The following CDK19 variants were observed in gnomAD, a reference collection of about 807,000 sequenced individuals.
CDK19 encodes the protein cyclin dependent kinase 19, also known as cyclin-dependent kinase 19.
Under a neutral mutation model 68.3 loss-of-function variants are expected in CDK19, and 20 were observed. The ratio of observed to expected loss-of-function variants is 0.29; its 90% CI spans 0.21 to 0.43. The LOEUF is 0.43. CDK19 is among the 20% of genes least tolerant of loss of function. The probability of loss-of-function intolerance (pLI) is 1.00; values close to 1 mark genes in which losing one functional copy is unlikely to be tolerated. For missense variants in CDK19, 339 were observed against 623.5 expected (o/e 0.54, Z 4.86); for synonymous variants, 221 against 222.8 (o/e 0.99, Z 0.07).
intron 4 of CDK19, among the ~76,000 whole-genome samples, chr6:110,644,113 G>A (rs917062862): frequency 4.6e-5 from 7 of 152,016 alleles, no homozygotes; most frequent in Admixed American, 3.9e-4. Flanking sequence ...CCAACATGGT[G>A]AAACCCTGTC....
At chr6:110,701,607 G>A (rs759827346) in intron 2 of CDK19, among the ~76,000 whole-genome samples, 8 of 151,254 alleles carry the variant, frequency 5.3e-5, no homozygotes, top group East Asian at 3.9e-4. Flanking sequence ...CAGAGAATAC[G>A]AACAGACATT....
At chr6:110,774,975 C>T (rs1053006573) in intron 1 of CDK19, among the ~76,000 whole-genome samples, 1 of 151,306 alleles carries the variant, frequency 6.6e-6, no homozygotes, top group Non-Finnish European at 1.5e-5. Context: ...AGGCTGGGTG[C>T]GGTGGCTCAC....
In CDK19 at chr6:110,735,313, C is replaced by CA. The variant is rs778537046; in HGVS notation, c.204+10812dup. ...ACACAAAGTTTAAAATCTTCTACTA[C>CA]AAAAAAAAACTTTATCAAAACAAAT... is the stretch of plus-strand genomic sequence containing the variant. On this transcript the variant is annotated intron_variant, in intron 2 of 12. Coordinates refer to ENST00000368911, the MANE Select transcript of CDK19 (RefSeq NM_015076.5). Among the ~76,000 whole-genome samples, 157 of 150,122 alleles carry CA rather than the reference C, an allele frequency of 1.0e-3. 2 individuals carry two copies. The highest frequency in any genetic ancestry group is 3.4e-3 in the Middle Eastern group (1 of 292).
chr6:110,702,909 TTAATA>T (rs1393919515), intron 2 of CDK19, among the ~76,000 whole-genome samples: 4 of 152,246 alleles, frequency 2.6e-5, no homozygotes, highest in African/African-American at 9.6e-5. Flanking sequence ...TCTTTCTGTA[TTAATA>T]TAACAAATAG....
intron 3 of CDK19, 38 bp downstream of exon 3, chr6:110,670,393 A>G (rs377279052): frequency 1.2e-5 from 14 of 1,171,256 alleles, no homozygotes; most frequent in Middle Eastern, 1.9e-4. Context: ...CCATACCTAT[A>G]TAAAACAATC....
chr6:110,619,030 T>A (rs1489403416), intron 12 of CDK19, among the ~76,000 whole-genome samples: 1 of 152,192 alleles, frequency 6.6e-6, no homozygotes, highest in Non-Finnish European at 1.5e-5. Context: ...AGGAAAGTTT[T>A]TCCCTTGGCC....
chr6:110,764,184 C>T (rs1036303652), intron 1 of CDK19, among the ~76,000 whole-genome samples: 1 of 152,170 alleles, frequency 6.6e-6, no homozygotes, highest in African/African-American at 2.4e-5. Flanking sequence ...TTCTTTCTAA[C>T]TTAATCTATA....
chr6:110,679,922 T>C (rs1472422757), intron 2 of CDK19, among the ~76,000 whole-genome samples: 1 of 152,222 alleles, frequency 6.6e-6, no homozygotes, highest in Non-Finnish European at 1.5e-5. Flanking sequence ...TAGCACATAA[T>C]AAGCATTCAA....
intron 1 of CDK19, among the ~76,000 whole-genome samples, chr6:110,792,259 G>A (rs777684931): frequency 1.3e-5 from 2 of 152,020 alleles, no homozygotes; most frequent in Non-Finnish European, 2.9e-5. Flanking sequence ...GTGAGCCACC[G>A]CGCCTGGCCC....
intron 1 of CDK19, among the ~76,000 whole-genome samples, chr6:110,766,954 T>A (rs886936430): frequency 6.6e-6 from 1 of 151,698 alleles, no homozygotes; most frequent in Non-Finnish European, 1.5e-5. Flanking sequence ...GCCAACATGG[T>A]GAAACCTTGT....
chr6:110,642,333 T>C (rs1780256009), intron 4 of CDK19, among the ~76,000 whole-genome samples: 1 of 144,110 alleles, frequency 6.9e-6, no homozygotes, highest in African/African-American at 2.5e-5. Flanking sequence ...AAAAAAAGGG[T>C]TCAAGACTTG....
chr6:110,783,027 C>G (rs1020140116), intron 1 of CDK19, among the ~76,000 whole-genome samples: 9 of 152,196 alleles, frequency 5.9e-5, no homozygotes, highest in African/African-American at 2.2e-4. Context: ...CTGCAGCACA[C>G]TATTCCTACA....
At chr6:110,791,480 A>G (rs1363270606) in intron 1 of CDK19, among the ~76,000 whole-genome samples, 1 of 152,132 alleles carries the variant, frequency 6.6e-6, no homozygotes, top group Non-Finnish European at 1.5e-5. Flanking sequence ...AAATGGAAAA[A>G]TATTCATTAT....
intron 4 of CDK19, among the ~76,000 whole-genome samples, chr6:110,648,759 C>G (rs892494579): frequency 4.0e-5 from 6 of 151,770 alleles, no homozygotes; most frequent in African/African-American, 1.5e-4. Context: ...GCTCTGTCGC[C>G]CAGGCTGGAG....
At chr6:110,641,165 A>G (rs927922469) in intron 4 of CDK19, among the ~76,000 whole-genome samples, 1 of 152,190 alleles carries the variant, frequency 6.6e-6, no homozygotes, top group Admixed American at 6.5e-5. Flanking sequence ...TACTAGAAAA[A>G]AAAAACTATT....
At chr6:110,701,004 A>C (rs1773944933) in intron 2 of CDK19, 1 of 152,066 alleles carries the variant, frequency 6.6e-6, no homozygotes, top group South Asian at 2.1e-4. Context: ...CAGGAGTTCG[A>C]GACCAGCCTG....
chr6:110,738,205 A>G (rs1250285305), intron 2 of CDK19, among the ~76,000 whole-genome samples: 3 of 152,066 alleles, frequency 2.0e-5, no homozygotes, highest in African/African-American at 7.2e-5. Context: ...AGAAACTTGC[A>G]CTCAGTGTAA....
At chr6:110,623,064 T>C (rs746870833) in intron 9 of CDK19, 152 bp from the exon 10 acceptor site, 36 of 671,156 alleles carry the variant, frequency 5.4e-5, no homozygotes, top group Non-Finnish European at 8.7e-5. Flanking sequence ...TTATGTGAAA[T>C]TGGCAGAAAT....
At chr6:110,723,250 C>T (rs534332218) in intron 2 of CDK19, among the ~76,000 whole-genome samples, 21 of 151,856 alleles carry the variant, frequency 1.4e-4, no homozygotes, top group African/African-American at 4.3e-4. Context: ...GTCAACAATG[C>T]TAGCCTAGGT....
Sources: gnomAD v4.1 joint callset for allele counts (sites outside exome capture counted in the v4.1 genomes callset) on GRCh38, gnomAD v4.1.1 for gene constraint, MANE v1.5 for transcripts, NCBI Gene and HGNC (gene_info 2026-07-23, HGNC 2026-07-21) for gene names.